The following ZNF578 variants were observed in gnomAD, a reference collection of about 807,000 sequenced individuals.
The protein encoded by ZNF578 is Putative chemokine-related protein B42.
ZNF578 carries 8 observed loss-of-function variants against 8.3 expected under a neutral mutation model. The observed-to-expected ratio is 0.96, with a 90% CI of 0.56 to 1.74. The LOEUF (loss-of-function observed/expected upper bound fraction) is 1.74, where lower values mean the gene tolerates loss of function less well. ZNF578 is among the 40% of genes most tolerant of loss of function. The pLI is 0.00. For missense variants in ZNF578, 726 were observed against 707.5 expected (o/e 1.03, Z -0.30); for synonymous variants, 206 against 232.2 (o/e 0.89, Z 1.03).
chr19:52,487,742 A>T (rs943610490), intron 2 of ZNF578, among the ~76,000 whole-genome samples: 2 of 151,260 alleles, frequency 1.3e-5, no homozygotes, highest in Non-Finnish European at 2.9e-5. Flanking sequence ...CGATCCTCCT[A>T]CCTCAGCCTT....
chr19:52,496,760 C>T (rs1163092765), intron 3 of ZNF578, among the ~76,000 whole-genome samples: 1 of 151,900 alleles, frequency 6.6e-6, no homozygotes, highest in African/African-American at 2.4e-5. Context: ...GCCTCAGCCT[C>T]CTAAGTAGTT....
intron 5 of ZNF578, among the ~76,000 whole-genome samples, chr19:52,509,477 A>C (rs2122981200): frequency 6.6e-6 from 1 of 152,290 alleles, no homozygotes; most frequent in East Asian, 1.9e-4. Context: ...AATATAACTG[A>C]CACACTCCAC....
At chr19:52,468,138 C>T (rs1337178138) in intron 2 of ZNF578, among the ~76,000 whole-genome samples, 2 of 151,716 alleles carry the variant, frequency 1.3e-5, no homozygotes, top group Non-Finnish European at 2.9e-5. Context: ...AAATTGTGTA[C>T]AAAAACAAAA....
intron 3 of ZNF578, among the ~76,000 whole-genome samples, chr19:52,491,907 G>T (rs1428309014): frequency 6.6e-6 from 1 of 151,866 alleles, no homozygotes; most frequent in Admixed American, 6.6e-5. Flanking sequence ...ACATCTGTAA[G>T]CCAAGCAGTT....
intron 3 of ZNF578, among the ~76,000 whole-genome samples, chr19:52,498,313 C>T (rs7256777): frequency 0.19 from 28,020 of 146,654 alleles, 2,868 homozygotes; most frequent in Non-Finnish European, 0.23. Flanking sequence ...CCCACCACCA[C>T]GCCTGGCTAA....
chr19:52,462,410 C>T (rs1429189703), intron 2 of ZNF578, among the ~76,000 whole-genome samples: 1 of 152,164 alleles, frequency 6.6e-6, no homozygotes, highest in African/African-American at 2.4e-5. Flanking sequence ...TATCTGTAGG[C>T]TCAGGCATCC....
At chr19:52,489,745 T>C (rs2059358862) in intron 2 of ZNF578, among the ~76,000 whole-genome samples, 1 of 151,256 alleles carries the variant, frequency 6.6e-6, no homozygotes, top group Non-Finnish European at 1.5e-5. Flanking sequence ...AAGCTCTGCC[T>C]CCCGGGTTCA....
rs1487935754 is a variant in ZNF578 at position 52,516,200 on chromosome 19, C to G, written c.*4046C>G. On this transcript the variant is annotated 3_prime_UTR_variant, in exon 6 of 6. Coordinates refer to ENST00000421239, the MANE Select transcript of ZNF578 (RefSeq NM_001099694.2). ...GGCTCAGAGCTCTCTCCCATGCCCT[C>G]CCACCCCTGGTCTCAAGCTCCTGAG... Among the ~76,000 whole-genome samples the G allele has an allele frequency of 6.6e-6, 1 of 152,168 alleles. No homozygotes were observed. Among genetic ancestry groups the G allele is most frequent in the Admixed American group, 6.5e-5 (1 of 15,272 alleles).
intron 3 of ZNF578, among the ~76,000 whole-genome samples, chr19:52,494,830 A>G (rs1174260998): frequency 6.6e-6 from 1 of 151,966 alleles, no homozygotes; most frequent in Non-Finnish European, 1.5e-5. Flanking sequence ...TAATACTTTT[A>G]ATTAATTAAT....
chr19:52,511,385 G>A lies in ZNF578; in HGVS notation c.1004G>A (p.Arg335Lys). The change falls in exon 6 of 6, where the codon AGG becomes AAG. Residue 335 changes from arginine (R) to lysine (K), a missense_variant. Arg to Lys is a conservative substitution (Grantham distance 26, BLOSUM62 2). Coordinates refer to ENST00000421239, the MANE Select transcript of ZNF578 (RefSeq NM_001099694.2). ...AAGTCATCCCTTACATGCCATCATA[G>A]GTGTCACACTGGTGAGAAACCTTAC... The part of the protein sequence containing the change: ...SYKSSLTCHH[R>K]CHTGEKPYKC... 1 of 1,614,140 alleles carries A rather than the reference G, an allele frequency of 6.2e-7. No homozygotes were observed.
At chr19:52,484,839 C>T (rs1197894592) in intron 2 of ZNF578, among the ~76,000 whole-genome samples, 2 of 151,256 alleles carry the variant, frequency 1.3e-5, no homozygotes, top group African/African-American at 4.8e-5. Context: ...CGGCCCCACC[C>T]CTATCTCCCT....
At chr19:52,492,322 C>A (rs180919374) in intron 3 of ZNF578, among the ~76,000 whole-genome samples, 8 of 152,148 alleles carry the variant, frequency 5.3e-5, no homozygotes, top group African/African-American at 1.9e-4. Flanking sequence ...GCTTCCGCCT[C>A]GTGCCCGCAT....
At chr19:52,496,399 G>C (rs900640649) in intron 3 of ZNF578, among the ~76,000 whole-genome samples, 1 of 148,406 alleles carries the variant, frequency 6.7e-6, no homozygotes, top group Admixed American at 6.8e-5. Context: ...GCGCAATCTC[G>C]GCTCACTGCA....
At chr19:52,510,292 G>A (rs1307339623) in intron 5 of ZNF578, among the ~76,000 whole-genome samples, 1 of 151,946 alleles carries the variant, frequency 6.6e-6, no homozygotes, top group Non-Finnish European at 1.5e-5. Flanking sequence ...ACACTGTAGG[G>A]TCACAGTGGA....
intron 2 of ZNF578, among the ~76,000 whole-genome samples, chr19:52,482,078 G>T (rs1176494018): frequency 1.3e-5 from 2 of 152,144 alleles, no homozygotes; most frequent in African/African-American, 4.8e-5. Flanking sequence ...TTGTTGTCCA[G>T]GCTGGAGTGC....
intron 5 of ZNF578, among the ~76,000 whole-genome samples, chr19:52,508,987 C>T (rs1419371268): frequency 1.3e-5 from 2 of 149,302 alleles, no homozygotes; most frequent in East Asian, 2.0e-4. Flanking sequence ...CTGCAACCTC[C>T]GGCTCCTGGG....
At chr19:52,469,173 T>TTTTG (rs1248776705) in intron 2 of ZNF578, among the ~76,000 whole-genome samples, 1 of 149,734 alleles carries the variant, frequency 6.7e-6, no homozygotes, top group African/African-American at 2.4e-5. Flanking sequence ...TTTTGTTTTT[T>TTTTG]TTTTTTTGAC....
At chr19:52,483,095 C>T (rs1381839714) in intron 2 of ZNF578, among the ~76,000 whole-genome samples, 1 of 151,880 alleles carries the variant, frequency 6.6e-6, no homozygotes, top group Non-Finnish European at 1.5e-5. Flanking sequence ...AAATAGCAAT[C>T]AGCTCTTTAA....
intron 3 of ZNF578, among the ~76,000 whole-genome samples, chr19:52,496,807 T>C (rs2059388511): frequency 6.6e-6 from 1 of 151,760 alleles, no homozygotes; most frequent in Admixed American, 6.6e-5. Flanking sequence ...CCGGCTAATT[T>C]TGTATTTTCA....
Sources: allele counts gnomAD v4.1 joint callset (sites outside exome capture counted in the v4.1 genomes callset), GRCh38; gene constraint gnomAD v4.1.1; transcripts MANE v1.5; gene names NCBI Gene and HGNC (gene_info 2026-07-23, HGNC 2026-07-21).